Variants in THUMPD2 observed in about 807,000 individuals in gnomAD.
THUMPD2 encodes U6 snRNA (guanine-N(2))-methyltransferase THUMPD2.
A neutral mutation model predicts 49.4 loss-of-function variants in THUMPD2; 56 were observed. That is an observed-to-expected ratio of 1.13 (90% CI 0.91 to 1.41). The LOEUF (loss-of-function observed/expected upper bound fraction) is 1.41, where lower values mean the gene tolerates loss of function less well. THUMPD2 is among the 40% of genes most tolerant of loss of function. The probability of loss-of-function intolerance (pLI) is 0.00; values close to 1 mark genes in which losing one functional copy is unlikely to be tolerated. For missense variants in THUMPD2, 709 were observed against 594.5 expected, an observed-to-expected ratio of 1.19 and a Z score of -2.00; for synonymous variants, 237 against 205.2, an observed-to-expected ratio of 1.15 and a Z score of -1.32.
At chr2:39,773,912 G>C (rs950205204) in intron 1 of THUMPD2, among the ~76,000 whole-genome samples, 1 of 152,156 alleles carries the variant, frequency 6.6e-6, no homozygotes, top group Non-Finnish European at 1.5e-5. Context: ...GCAGGTCCTT[G>C]AATAACACTG....
chr2:39,756,226 A>G (rs1048925345), intron 6 of THUMPD2, among the ~76,000 whole-genome samples: 2 of 152,196 alleles, frequency 1.3e-5, no homozygotes, highest in African/African-American at 4.8e-5. Flanking sequence ...GCACACAAGT[A>G]TTAGTGTGGA....
chr2:39,757,322 C>T, intron 6 of THUMPD2: 6 of 1,134,254 alleles, frequency 5.3e-6, no homozygotes, highest in African/African-American at 1.6e-5. Context: ...ACAGAGGAAG[C>T]AGAGTCCTCA....
intron 8 of THUMPD2, among the ~76,000 whole-genome samples, chr2:39,745,819 A>G (rs1558493482): frequency 6.6e-6 from 1 of 152,214 alleles, no homozygotes; most frequent in Non-Finnish European, 1.5e-5. Flanking sequence ...GAAGAGAATA[A>G]TTTTTAAAAA....
chr2:39,746,334 T>C (rs566427707), intron 8 of THUMPD2, among the ~76,000 whole-genome samples: 1 of 152,178 alleles, frequency 6.6e-6, no homozygotes, highest in Non-Finnish European at 1.5e-5. Context: ...CCCATAGCAG[T>C]AGCATCAGTA....
In THUMPD2 at chr2:39,736,158, C is replaced by T. The variant is rs145198267; in HGVS notation, c.*577G>A. The stretch of plus-strand genomic sequence containing the variant: ...AGGGCGAGGTGACAGTGTATGAATG[C>T]TTTTAGAAAAAAAGCAAATTTCATT... On this transcript the variant is annotated 3_prime_UTR_variant, in exon 10 of 10. Transcript: ENST00000505747. 3 of 152,288 alleles carry T rather than the reference C, an allele frequency of 2.0e-5. No individual in the cohort carries two copies. The highest frequency in any genetic ancestry group is 1.9e-4 in the East Asian group (1 of 5,184). The allele number at this position is 152,288 out of a possible 1,614,324, so 9.4% of individuals were successfully genotyped here.
intron 8 of THUMPD2, among the ~76,000 whole-genome samples, chr2:39,748,821 A>G (rs1674988903): frequency 6.6e-6 from 1 of 151,944 alleles, no homozygotes; most frequent in Non-Finnish European, 1.5e-5. Context: ...ATTTTTTTAA[A>G]AAAGAAAATT....
chr2:39,779,080 C>A, intron 1 of THUMPD2, 34 bp downstream of exon 1: 1 of 1,485,678 alleles, frequency 6.7e-7, no homozygotes, highest in Non-Finnish European at 8.9e-7. Context: ...ACAGGGCCGC[C>A]CACCTCCCCA....
intron 9 of THUMPD2, among the ~76,000 whole-genome samples, chr2:39,737,845 CGGGA>C (rs1350010055): frequency 6.6e-6 from 1 of 151,998 alleles, no homozygotes; most frequent in Non-Finnish European, 1.5e-5. Flanking sequence ...GCAGCAAAGA[CGGGA>C]GGAAGTGGAG....
At chr2:39,751,258 G>A (rs903944744) in intron 8 of THUMPD2, among the ~76,000 whole-genome samples, 9 of 152,342 alleles carry the variant, frequency 5.9e-5, no homozygotes, top group African/African-American at 2.2e-4. Context: ...CAGTATGAAA[G>A]AAAATGCAAA....
chr2:39,738,669 G>A (rs1246133865), intron 9 of THUMPD2, among the ~76,000 whole-genome samples: 1 of 146,354 alleles, frequency 6.8e-6, no homozygotes, highest in South Asian at 2.1e-4. Context: ...TAAATTATAT[G>A]TATATATACA....
intron 2 of THUMPD2, 32 bp downstream of exon 2, chr2:39,771,473 G>C (rs764973399): frequency 1.9e-6 from 3 of 1,566,196 alleles, no homozygotes; most frequent in Non-Finnish European, 2.6e-6. Flanking sequence ...TATCATGTGG[G>C]TAAAAGCAAC....
At chr2:39,770,358 A>T (rs1678150836) in intron 2 of THUMPD2, among the ~76,000 whole-genome samples, 1 of 152,164 alleles carries the variant, frequency 6.6e-6, no homozygotes, top group African/African-American at 2.4e-5. Context: ...TTCCTATAGA[A>T]TTACCATATA....
At chr2:39,760,593 C>A (rs1243376551) in intron 6 of THUMPD2, among the ~76,000 whole-genome samples, 2 of 151,662 alleles carry the variant, frequency 1.3e-5, no homozygotes, top group African/African-American at 4.8e-5. Context: ...GAAAGAGAGA[C>A]CATCAGAGTG....
In THUMPD2 at chr2:39,736,903, A is replaced by G. The variant is rs1673153470; in HGVS notation, c.1344T>C (p.Thr448=). ...IKKCLNPEEK[T]GAFKTASTSF... is the part of the protein sequence containing the mutation. The stretch of plus-strand genomic sequence containing the variant: ...AAGTTGACGCTGTCTTGAATGCACC[A>G]GTTTTTTCTTCAGGATTCAAGCACT... Residue 448 remains threonine, a synonymous_variant, in exon 10 of 10, where the codon ACT becomes ACC. Coordinates refer to ENST00000505747, the MANE Select transcript of THUMPD2 (RefSeq NM_025264.5). 6.2e-7 allele frequency: 1 copy of G among 1,614,160 alleles called. No homozygotes were observed. The highest frequency in any genetic ancestry group is 2.2e-5 in the East Asian group (1 of 44,878).
intron 8 of THUMPD2, among the ~76,000 whole-genome samples, chr2:39,747,615 T>C (rs1674787025): frequency 6.6e-6 from 1 of 152,202 alleles, no homozygotes; most frequent in South Asian, 2.1e-4. Context: ...ATGGTGGCCC[T>C]GAAAACGTAT....
At chr2:39,747,752 T>C (rs1050777949) in intron 8 of THUMPD2, among the ~76,000 whole-genome samples, 5 of 152,180 alleles carry the variant, frequency 3.3e-5, no homozygotes, top group Admixed American at 2.6e-4. Flanking sequence ...TTTTTTCATA[T>C]GGAAAGGGTA....
intron 4 of THUMPD2, among the ~76,000 whole-genome samples, chr2:39,766,565 G>C (rs1272275350): frequency 6.6e-6 from 1 of 152,108 alleles, no homozygotes; most frequent in East Asian, 1.9e-4. Flanking sequence ...GGCAGCAAGG[G>C]TGCTGTTTTC....
At chr2:39,764,685 T>G (rs1677275838) in intron 5 of THUMPD2, among the ~76,000 whole-genome samples, 1 of 152,194 alleles carries the variant, frequency 6.6e-6, no homozygotes, top group South Asian at 2.1e-4. Flanking sequence ...CACTGTCACT[T>G]CTCTTGTCCA....
chr2:39,757,273 G>A (rs577973462), intron 6 of THUMPD2: 6 of 715,456 alleles, frequency 8.4e-6, no homozygotes, highest in Middle Eastern at 2.8e-4. Context: ...AGTCGTGCTC[G>A]AGATAGGGGA....
Sources: allele counts gnomAD v4.1 joint callset (sites outside exome capture counted in the v4.1 genomes callset), GRCh38; gene constraint gnomAD v4.1.1; transcripts MANE v1.5; gene names NCBI Gene and HGNC (gene_info 2026-07-23, HGNC 2026-07-21).